Variants in SNTA1 observed in about 807,000 individuals in gnomAD.
SNTA1 encodes syntrophin alpha 1.
A neutral mutation model predicts 47.1 loss-of-function variants in SNTA1; 31 were observed. The observed-to-expected ratio is 0.66, with a 90% confidence interval of 0.49 to 0.89. SNTA1 has a LOEUF of 0.89. Among genes scored for constraint, SNTA1 ranks in the 40% least tolerant of loss-of-function variants. SNTA1 has a pLI of 0.00. For missense variants in SNTA1, 575 were observed against 693.0 expected, an observed-to-expected ratio of 0.83 and a Z score of 1.91; for synonymous variants, 300 against 313.6, an observed-to-expected ratio of 0.96 and a Z score of 0.46.
At chr20:33,422,967 C>T (rs1052680994) in intron 2 of SNTA1, among the ~76,000 whole-genome samples, 4 of 152,122 alleles carry the variant, frequency 2.6e-5, no homozygotes, top group Non-Finnish European at 4.4e-5. Context: ...CGCCTCACTC[C>T]CCTGTGATTG....
At chr20:33,420,836 T>G (rs1026748376) in intron 2 of SNTA1, among the ~76,000 whole-genome samples, 2 of 151,722 alleles carry the variant, frequency 1.3e-5, no homozygotes, top group African/African-American at 4.8e-5. Flanking sequence ...AGAAAAAAAT[T>G]AGCTGGGCGT....
At chr20:33,416,994 T>C (rs1038397451) in intron 3 of SNTA1, among the ~76,000 whole-genome samples, 1 of 148,030 alleles carries the variant, frequency 6.8e-6, no homozygotes, top group Non-Finnish European at 1.5e-5. Flanking sequence ...GCGCCTGTAG[T>C]CCCAGCTACT....
intron 2 of SNTA1, among the ~76,000 whole-genome samples, chr20:33,428,950 A>C (rs1255324960): frequency 6.6e-6 from 1 of 152,000 alleles, no homozygotes; most frequent in African/African-American, 2.4e-5. Context: ...CTGAGGCAGG[A>C]AAACTGCTTG....
intron 2 of SNTA1, among the ~76,000 whole-genome samples, chr20:33,429,963 C>T (rs532270403): frequency 2.0e-5 from 3 of 152,110 alleles, no homozygotes; most frequent in East Asian, 1.9e-4. Context: ...GACAGGGTTT[C>T]GCTATGTTGC....
intron 3 of SNTA1, among the ~76,000 whole-genome samples, chr20:33,415,694 G>A (rs1409059370): frequency 6.6e-6 from 1 of 151,954 alleles, no homozygotes; most frequent in African/African-American, 2.4e-5. Context: ...AGGAGGCTGA[G>A]GCAGGAGAAT....
chr20:33,417,743 C>T lies in SNTA1; in HGVS notation c.677G>A (p.Cys226Tyr), dbSNP rs34479952. 9.6e-5 allele frequency: 155 copies of T among 1,614,082 alleles called. 2 individuals carry two copies. The Middle Eastern group carries it at 1.5e-3, about 15-fold the overall frequency. ...CCTGGGCTCCGGGTCATTGGGGGTG[C>T]ACCTCTTCGAGACATATGCCATCTT... ...SLKMAYVSKR[C>Y]TPNDPEPRYL... is the part of the protein sequence containing the mutation. Residue 226 changes from cysteine to tyrosine, a missense_variant, in exon 3 of 8, where the codon TGC (cysteine) becomes TAC (tyrosine). Physicochemically the swap from Cys to Tyr is radical, Grantham distance 194 (BLOSUM62 -2). Transcript: ENST00000217381.
Position 33,437,212 on chromosome 20 carries a change from G to A in SNTA1, c.496+1629C>T, listed in dbSNP as rs372404667. ...CGGGAGACGGAGGTTGCAGTGAGCC[G>A]AGATCATGCCACTGCACTCCAGCCT... On this transcript the variant is annotated intron_variant, in intron 2 of 7. Coordinates refer to ENST00000217381, the MANE Select transcript of SNTA1 (RefSeq NM_003098.3). Among the ~76,000 whole-genome samples, 10 of 150,508 alleles carry A rather than the reference G, an allele frequency of 6.6e-5. No homozygotes were observed. In the East Asian group the frequency reaches 1.2e-3, roughly 18 times the overall value.
intron 2 of SNTA1, among the ~76,000 whole-genome samples, chr20:33,418,569 G>T (rs1420144265): frequency 6.6e-6 from 1 of 151,506 alleles, no homozygotes; most frequent in Non-Finnish European, 1.5e-5. Context: ...AAGGCGGGCA[G>T]ATCATTTGAG....
chr20:33,442,460 T>C (rs1990601803), intron 1 of SNTA1, among the ~76,000 whole-genome samples: 1 of 152,202 alleles, frequency 6.6e-6, no homozygotes, highest in African/African-American at 2.4e-5. Flanking sequence ...TTAGTTGCTT[T>C]GGGAGTATCT....
intron 2 of SNTA1, among the ~76,000 whole-genome samples, chr20:33,419,188 T>C (rs1295635133): frequency 6.6e-6 from 1 of 152,078 alleles, no homozygotes; most frequent in African/African-American, 2.4e-5. Context: ...GCCTGATGCC[T>C]GCTAGCCCGT....
Position 33,425,655 on chromosome 20 carries a change from C to G in SNTA1, c.497-7732G>C, listed in dbSNP as rs141829724. 1.2e-3 allele frequency among the ~76,000 whole-genome samples: 189 copies of G among 152,164 alleles called. No homozygotes were observed. In the East Asian group the frequency reaches 0.033, roughly 26 times the overall value. On this transcript the variant is annotated intron_variant, in intron 2 of 7. Coordinates refer to ENST00000217381, the MANE Select transcript of SNTA1 (RefSeq NM_003098.3). The stretch of plus-strand genomic sequence containing the variant: ...CCAGCCTGGGCCACACAGTGAGAAC[C>G]TGTCTAAAACAAAAAGGAAAGAAAG...
rs576095847 is a variant in SNTA1, at chr20:33,411,304, GCCT to G, written c.1041-976_1041-974del. 2.6e-5 allele frequency among the ~76,000 whole-genome samples: 4 copies of G among 152,040 alleles called. No homozygotes were observed. The East Asian group carries it at 7.7e-4, about 29-fold the overall frequency. On this transcript the variant is annotated intron_variant, in intron 5 of 7. Coordinates refer to ENST00000217381, the MANE Select transcript of SNTA1 (RefSeq NM_003098.3). Reference sequence around the variant, plus strand: ...GGACTTAACTCAGCATCTTGCTCCAGCCTCCTCCCTTTCCACCCCCACCCCCAG... The same window carrying G: ...GGACTTAACTCAGCATCTTGCTCCAGCCTCCCTTTCCACCCCCACCCCCAG...
intron 2 of SNTA1, among the ~76,000 whole-genome samples, chr20:33,424,940 C>A (rs1990129439): frequency 6.6e-6 from 1 of 151,828 alleles, no homozygotes; most frequent in African/African-American, 2.4e-5. Flanking sequence ...CACGGTGAAA[C>A]CCCGTCTCTA....
At chr20:33,438,159 G>A (rs1318120458) in intron 2 of SNTA1, among the ~76,000 whole-genome samples, 2 of 152,184 alleles carry the variant, frequency 1.3e-5, no homozygotes, top group Non-Finnish European at 2.9e-5. Flanking sequence ...AATTAGCTGG[G>A]CATGGTGACG....
chr20:33,425,917 CA>C (rs1022478387), intron 2 of SNTA1, among the ~76,000 whole-genome samples: 1 of 146,890 alleles, frequency 6.8e-6, no homozygotes. Flanking sequence ...ACTAAAAATA[CA>C]AAAAAAAATT....
At position 33,416,074 on chromosome 20, in the gene SNTA1, C is replaced by G. The variant is rs767004862; in HGVS notation, c.701+1645G>C. ...AGTGAGCCAAGATTACACCACTGCA[C>G]TCCAGCCTGGGCAACAGAGCGATAC... On this transcript the variant is annotated intron_variant, in intron 3 of 7. Transcript: ENST00000217381. Among the ~76,000 whole-genome samples, 54 of 152,184 alleles carry G rather than the reference C, an allele frequency of 3.5e-4. 1 individual carries two copies. Among genetic ancestry groups the G allele is most frequent in the East Asian group, 7.8e-4 (4 of 5,154 alleles).
rs1023423035 is a variant in SNTA1, at chr20:33,410,280, G to C, written c.1092C>G (p.Leu364=). 6.2e-7 allele frequency: 1 copy of C among 1,612,060 alleles called. No individual in the cohort carries two copies. The change falls in exon 6 of 8, where the codon CTC becomes CTG. Residue 364 remains leucine, a synonymous_variant. Transcript: ENST00000217381. ...SKGSVPYDAE[L]SFALRTGTRH... ...GCGTGCCCGTGCGCAGGGCAAAAGA[G>C]AGCTCTGCATCGTAGGGCACTGAGC...
Position 33,439,044 on chromosome 20 carries a change from G to C in SNTA1, c.311-18C>G. 1.2e-6 allele frequency: 2 copies of C among 1,611,950 alleles called. No individual in the cohort carries two copies. Among genetic ancestry groups the C allele is most frequent in the Non-Finnish European group, 1.7e-6 (2 of 1,178,098 alleles). On this transcript the variant is annotated intron_variant, in intron 1 of 7. Transcript: ENST00000217381. ...CCGGCCGCCTGCACAGGTACAGAAG[G>C]AGGACAAGACTTAGGCAGATACTCC...
At chr20:33,424,314 CAA>C (rs879835008) in intron 2 of SNTA1, among the ~76,000 whole-genome samples, 13 of 73,878 alleles carry the variant, frequency 1.8e-4, no homozygotes, top group Admixed American at 3.1e-4. Context: ...AACGCCATCT[CAA>C]AAAAAAAAAA....
Sources: gnomAD v4.1 joint callset for allele counts (sites outside exome capture counted in the v4.1 genomes callset) on GRCh38, gnomAD v4.1.1 for gene constraint, MANE v1.5 for transcripts, NCBI Gene and HGNC (gene_info 2026-07-23, HGNC 2026-07-21) for gene names.